Variants in PATJ observed in about 807,000 individuals in gnomAD.
PATJ encodes PATJ crumbs cell polarity complex component, also known as inaD-like protein.
A neutral mutation model predicts 224.9 loss-of-function variants in PATJ; 190 were observed. The ratio of observed to expected loss-of-function variants is 0.84; its 90% CI spans 0.75 to 0.95. PATJ has a LOEUF of 0.95. Among genes scored for constraint, PATJ ranks in the 40% least tolerant of loss-of-function variants. The probability of loss-of-function intolerance (pLI) is 0.00; values close to 1 mark genes in which losing one functional copy is unlikely to be tolerated. For synonymous variants in PATJ, 769 were observed against 820.3 expected, an observed-to-expected ratio of 0.94 and a Z score of 1.07; for missense variants, 2,121 against 2,270.3, an observed-to-expected ratio of 0.93 and a Z score of 1.34.
chr1:62,099,347 C>CTTTTTTTTTTTTTT (rs71050197), intron 33 of PATJ, among the ~76,000 whole-genome samples: 6 of 55,676 alleles, frequency 1.1e-4, no homozygotes, highest in African/African-American at 3.9e-4. Flanking sequence ...ATATCTCCAA[C>CTTTTTTTTTTTTTT]TTTTTTTTTT....
intron 35 of PATJ, chr1:62,114,909 T>C (rs61777693): frequency 7.0e-6 from 1 of 142,128 alleles, no homozygotes. Context: ...CATCTGTAAA[T>C]TAAAAAAAAA....
At chr1:62,013,442 G>A (rs1646571089) in intron 28 of PATJ, 5 of 985,182 alleles carry the variant, frequency 5.1e-6, no homozygotes, top group Admixed American at 6.2e-5. Flanking sequence ...CTCATTGAGG[G>A]CCACTATGCA....
rs75480281 is a variant in PATJ, at chr1:61,934,868, C to T, written c.3670+7039C>T. Among the ~76,000 whole-genome samples the T allele has an allele frequency of 3.9e-5, 6 of 152,206 alleles. No individual in the cohort carries two copies. The East Asian group carries it at 1.2e-3, about 29-fold the overall frequency. On this transcript the variant is annotated intron_variant, in intron 27 of 43. Coordinates refer to ENST00000642238, the MANE Select transcript of PATJ (RefSeq NM_001350145.3). ...AAATGCAGGTTTGCTCGTGGTGCTT[C>T]GGAGATACTCTTTCTGCCGAACCGC...
intron 16 of PATJ, among the ~76,000 whole-genome samples, chr1:61,831,438 A>G (rs917227582): frequency 1.3e-5 from 2 of 152,194 alleles, no homozygotes; most frequent in Admixed American, 1.3e-4. Flanking sequence ...TATGCATCTG[A>G]CAAAGATCTA....
At chr1:62,151,832 G>A (rs1443387300) in intron 42 of PATJ, among the ~76,000 whole-genome samples, 2 of 152,140 alleles carry the variant, frequency 1.3e-5, no homozygotes, top group African/African-American at 4.8e-5. Context: ...CAGGGTCTGG[G>A]TTTCTGCCTT....
chr1:61,848,425 G>A (rs1570877775), intron 17 of PATJ, among the ~76,000 whole-genome samples: 1 of 152,192 alleles, frequency 6.6e-6, no homozygotes, highest in Admixed American at 6.5e-5. Flanking sequence ...CTGTGCCACC[G>A]AGCTTGTGCC....
At chr1:61,920,981 C>CA (rs1674240714) in intron 26 of PATJ, among the ~76,000 whole-genome samples, 1 of 152,270 alleles carries the variant, frequency 6.6e-6, no homozygotes, top group Admixed American at 6.5e-5. Context: ...GCTGGGATTA[C>CA]AGGCATGAAC....
chr1:61,757,765 A>G (rs76477395), intron 1 of PATJ, among the ~76,000 whole-genome samples: 1 of 152,052 alleles, frequency 6.6e-6, no homozygotes, highest in Non-Finnish European at 1.5e-5. Flanking sequence ...AAATCTCTCC[A>G]TCCTCATGTC....
At chr1:61,984,164 A>T (rs2498977) in intron 27 of PATJ, among the ~76,000 whole-genome samples, 40,831 of 131,706 alleles carry the variant, frequency 0.31, 6,512 homozygotes, top group East Asian at 0.42. Context: ...TATTATTATT[A>T]TTTTTTTTTT....
At chr1:61,769,218 C>T in intron 4 of PATJ, 65 bp from the exon 5 acceptor site, 1 of 1,514,456 alleles carries the variant, frequency 6.6e-7, no homozygotes, top group Non-Finnish European at 8.9e-7. Flanking sequence ...AATTTCAGTT[C>T]TGCAGACAGA....
intron 24 of PATJ, among the ~76,000 whole-genome samples, chr1:61,903,473 C>A (rs1225923961): frequency 2.0e-5 from 3 of 152,136 alleles, no homozygotes; most frequent in Non-Finnish European, 4.4e-5. Context: ...TATTTGACAT[C>A]CATATAATAA....
At chr1:61,937,746 A>G (rs2482865) in intron 27 of PATJ, among the ~76,000 whole-genome samples, 130,986 of 151,174 alleles carry the variant, frequency 0.87, 56,805 homozygotes, top group Admixed American at 0.9. Flanking sequence ...CGCCTCCTGA[A>G]TTCAAGTGAT....
chr1:61,797,718 A>G (rs893616933), intron 11 of PATJ, among the ~76,000 whole-genome samples: 4 of 152,188 alleles, frequency 2.6e-5, no homozygotes, highest in Non-Finnish European at 5.9e-5. Context: ...TTGATTACGT[A>G]TATTTGAATA....
intron 5 of PATJ, among the ~76,000 whole-genome samples, chr1:61,770,714 A>T (rs1351162408): frequency 1.3e-5 from 2 of 152,076 alleles, no homozygotes; most frequent in Non-Finnish European, 2.9e-5. Flanking sequence ...GTTCAAGATC[A>T]GCCTGGGTAA....
chr1:61,773,380 A>G (rs1372059262), intron 6 of PATJ, among the ~76,000 whole-genome samples: 1 of 152,132 alleles, frequency 6.6e-6, no homozygotes, highest in Non-Finnish European at 1.5e-5. Context: ...GTGTAATAGA[A>G]AAACTGGATG....
chr1:61,900,645 AG>A (rs1267340128), intron 23 of PATJ, among the ~76,000 whole-genome samples: 2 of 151,608 alleles, frequency 1.3e-5, no homozygotes, highest in Non-Finnish European at 2.9e-5. Context: ...GCTGGAGTGC[AG>A]TGGCGCAATC....
intron 33 of PATJ, among the ~76,000 whole-genome samples, chr1:62,089,387 T>TG (rs541171527): frequency 7.0e-6 from 1 of 143,872 alleles, no homozygotes; most frequent in Non-Finnish European, 1.5e-5. Context: ...GTGAGGCAGC[T>TG]AAAAAAAAAA....
intron 33 of PATJ, among the ~76,000 whole-genome samples, chr1:62,106,158 G>GTGTGTGTATATATATATATATATATA (rs1356937495): frequency 2.1e-5 from 1 of 48,066 alleles, no homozygotes; most frequent in Non-Finnish European, 4.4e-5. Flanking sequence ...GTGTGTGTGT[G>GTGTGTGTATATATATATATATATATA]TATATATATA....
chr1:61,832,880 T>C (rs1490898098), intron 16 of PATJ, among the ~76,000 whole-genome samples: 1 of 152,226 alleles, frequency 6.6e-6, no homozygotes, highest in African/African-American at 2.4e-5. Context: ...TTCTGCATAG[T>C]AGATTCATTG....
Sources: allele counts gnomAD v4.1 joint callset (sites outside exome capture counted in the v4.1 genomes callset), GRCh38; gene constraint gnomAD v4.1.1; transcripts MANE v1.5; gene names NCBI Gene and HGNC (gene_info 2026-07-23, HGNC 2026-07-21).